The following CCDC7 variants were observed in gnomAD, a reference collection of about 807,000 sequenced individuals.
CCDC7 encodes coiled-coil domain-containing protein 7.
A neutral mutation model predicts 196.9 loss-of-function variants in CCDC7; 183 were observed. The observed-to-expected ratio is 0.93, with a 90% CI of 0.82 to 1.05. The LOEUF (loss-of-function observed/expected upper bound fraction) is 1.05, where lower values mean the gene tolerates loss of function less well. CCDC7 is among the 50% of genes least tolerant of loss of function. The pLI is 0.00. For missense variants in CCDC7, 1,540 were observed against 1,482.2 expected (o/e 1.04, Z -0.64); for synonymous variants, 525 against 484.6 (o/e 1.08, Z -1.10).
chr10:32,515,575 G>A (rs2046886366), intron 9 of CCDC7, among the ~76,000 whole-genome samples: 1 of 151,888 alleles, frequency 6.6e-6, no homozygotes, highest in Non-Finnish European at 1.5e-5. Flanking sequence ...GTGAAGTCTC[G>A]CTCTGTCGCT....
intron 8 of CCDC7, among the ~76,000 whole-genome samples, chr10:32,486,396 C>A (rs1437625290): frequency 2.0e-5 from 3 of 151,490 alleles, no homozygotes; most frequent in Admixed American, 6.6e-5. Flanking sequence ...TGTGTCTCTG[C>A]ACGTGAGATG....
chr10:32,853,038 G>A (rs2093621790), intron 40 of CCDC7, among the ~76,000 whole-genome samples: 1 of 152,088 alleles, frequency 6.6e-6, no homozygotes, highest in Admixed American at 6.5e-5. Context: ...TCTCAAGCTG[G>A]GTTAGTCATT....
At chr10:32,778,403 G>A (rs2080461746) in intron 28 of CCDC7, among the ~76,000 whole-genome samples, 1 of 152,148 alleles carries the variant, frequency 6.6e-6, no homozygotes, top group African/African-American at 2.4e-5. Flanking sequence ...TTCTGCATAT[G>A]GCTTGCCAGC....
chr10:32,566,281 C>T (rs1260640028), intron 14 of CCDC7, among the ~76,000 whole-genome samples: 1 of 151,986 alleles, frequency 6.6e-6, no homozygotes, highest in Non-Finnish European at 1.5e-5. Context: ...TTATGTCTTT[C>T]TGGGAGACAG....
At chr10:32,565,436 T>G in intron 13 of CCDC7, 122 bp from the exon 15 acceptor site, 1 of 980,282 alleles carries the variant, frequency 1.0e-6, no homozygotes, top group Admixed American at 2.7e-5. Context: ...GATGTGCAGT[T>G]CAATGTCTAT....
At chr10:32,449,344 G>A (rs1407626779), upstream of CCDC7, among the ~76,000 whole-genome samples, 4 of 151,942 alleles carry the variant, frequency 2.6e-5, no homozygotes, top group African/African-American at 9.7e-5. Flanking sequence ...CCACCACCAC[G>A]CCTGGATAAT....
At chr10:32,506,808 T>C (rs905789650) in intron 9 of CCDC7, among the ~76,000 whole-genome samples, 7 of 148,778 alleles carry the variant, frequency 4.7e-5, no homozygotes, top group African/African-American at 1.8e-4. Flanking sequence ...GCCGAGATCA[T>C]GGCAGTACAG....
At chr10:32,737,011 A>C (rs2084973720) in intron 28 of CCDC7, among the ~76,000 whole-genome samples, 1 of 152,066 alleles carries the variant, frequency 6.6e-6, no homozygotes, top group South Asian at 2.1e-4. Flanking sequence ...GATATTCTTT[A>C]TGAAATTGAG....
chr10:32,688,977 T>C, intron 22 of CCDC7, 76 bp from the exon 24 acceptor site: 1 of 927,072 alleles, frequency 1.1e-6, no homozygotes, highest in Non-Finnish European at 1.7e-6. Flanking sequence ...CCACTGCACA[T>C]TCGTAAATTT....
chr10:32,857,581 A>G (rs1201200109), intron 41 of CCDC7, among the ~76,000 whole-genome samples: 2 of 152,210 alleles, frequency 1.3e-5, no homozygotes, highest in African/African-American at 2.4e-5. Flanking sequence ...TATATTGACA[A>G]ATGACAATAG....
chr10:32,493,119 C>G (rs1282700394), intron 9 of CCDC7, among the ~76,000 whole-genome samples: 1 of 151,514 alleles, frequency 6.6e-6, no homozygotes, highest in Non-Finnish European at 1.5e-5. Flanking sequence ...AGAAACTTTC[C>G]CTTTGTCTAG....
rs555971627 is a variant in CCDC7 at position 32,473,498 on chromosome 10, A to G, written c.740-469A>G. Reference sequence around the variant, plus strand: ...CATTGAAGATTTTTTGTAGGATTTAATTTTAGAGAAGTTTTTTCCTGATTG... The same window carrying G: ...CATTGAAGATTTTTTGTAGGATTTAGTTTTAGAGAAGTTTTTTCCTGATTG... On this transcript the variant is annotated intron_variant, in intron 7 of 41. Coordinates refer to ENST00000639629, the Ensembl canonical transcript of CCDC7. Among the ~76,000 whole-genome samples, 86 of 152,270 alleles carry G rather than the reference A, an allele frequency of 5.6e-4. No homozygotes were observed. In the South Asian group the frequency reaches 0.018, roughly 31 times the overall value.
chr10:32,877,240 T>C (rs929148397), downstream of CCDC7: 2 of 152,048 alleles, frequency 1.3e-5, no homozygotes, highest in African/African-American at 4.8e-5. Context: ...GAAAAACTCA[T>C]GAATTCAGCA....
At chr10:32,671,008 A>G (rs952151148) in intron 21 of CCDC7, among the ~76,000 whole-genome samples, 1 of 152,178 alleles carries the variant, frequency 6.6e-6, no homozygotes, top group African/African-American at 2.4e-5. Context: ...AAAAGAGTAA[A>G]AAAGTAAAAA....
intron 32 of CCDC7, among the ~76,000 whole-genome samples, chr10:32,830,876 T>C (rs1198098208): frequency 6.6e-6 from 1 of 152,190 alleles, no homozygotes; most frequent in Non-Finnish European, 1.5e-5. Flanking sequence ...AATCTAATTA[T>C]ATAAACACAA....
At chr10:32,789,096 CT>C (rs35122018) in intron 29 of CCDC7, among the ~76,000 whole-genome samples, 4,060 of 124,680 alleles carry the variant, frequency 0.033, 28 homozygotes, top group Non-Finnish European at 0.036. Context: ...CGGTAAAGGG[CT>C]TTTTTTTTTT....
chr10:32,520,712 G>T (rs2047750829), intron 11 of CCDC7, among the ~76,000 whole-genome samples: 1 of 151,998 alleles, frequency 6.6e-6, no homozygotes, highest in Non-Finnish European at 1.5e-5. Context: ...CTGTGCAGAA[G>T]CTTTTTAACT....
intron 24 of CCDC7, among the ~76,000 whole-genome samples, chr10:32,696,759 G>A (rs1203814960): frequency 6.6e-6 from 1 of 152,150 alleles, no homozygotes; most frequent in Non-Finnish European, 1.5e-5. Flanking sequence ...AGATCATTGA[G>A]AAGTGTGTGC....
intron 9 of CCDC7, among the ~76,000 whole-genome samples, chr10:32,506,227 C>T (rs373545574): frequency 8.9e-4 from 126 of 142,030 alleles, no homozygotes; most frequent in African/African-American, 2.8e-3. Flanking sequence ...ACGGGGTGGC[C>T]GGGCAGAGGC....
Sources: allele counts gnomAD v4.1 joint callset (sites outside exome capture counted in the v4.1 genomes callset), GRCh38; gene constraint gnomAD v4.1.1; transcripts MANE v1.5; gene names NCBI Gene and HGNC (gene_info 2026-07-23, HGNC 2026-07-21).